DGKB: variants seen among roughly 807,000 people sequenced by gnomAD.
DGKB encodes diacylglycerol kinase beta, also known as 90 kDa diacylglycerol kinase.
A neutral mutation model predicts 114.3 loss-of-function variants in DGKB; 67 were observed. The observed-to-expected ratio is 0.59, with a 90% CI of 0.48 to 0.72. The LOEUF (loss-of-function observed/expected upper bound fraction) is 0.72, where lower values mean the gene tolerates loss of function less well. Among genes scored for constraint, DGKB ranks in the 30% least tolerant of loss-of-function variants. The pLI, the probability that DGKB is intolerant of heterozygous loss-of-function variation, is 0.00. For missense variants in DGKB, 907 were observed against 975.2 expected (o/e 0.93, Z 0.93); for synonymous variants, 398 against 323.1 (o/e 1.23, Z -2.49).
chr7:14,941,199 T>A (rs889738903), intron 1 of DGKB, among the ~76,000 whole-genome samples: 10 of 152,086 alleles, frequency 6.6e-5, no homozygotes, highest in African/African-American at 2.2e-4. Context: ...AGAACTGATT[T>A]TGTCATTAAA....
chr7:14,502,793 ACT>A (rs1786409119), intron 20 of DGKB, among the ~76,000 whole-genome samples: 1 of 152,028 alleles, frequency 6.6e-6, no homozygotes, highest in Admixed American at 6.6e-5. Context: ...CTGCAAAAGC[ACT>A]CTTGCTGTAT....
At chr7:14,568,223 G>T (rs769569363) in intron 20 of DGKB, among the ~76,000 whole-genome samples, 29 of 152,028 alleles carry the variant, frequency 1.9e-4, no homozygotes, top group Non-Finnish European at 3.8e-4. Context: ...AAATAAATAT[G>T]CTTTTATTGA....
At chr7:14,651,236 C>A (rs1814415857) in intron 13 of DGKB, among the ~76,000 whole-genome samples, 1 of 152,026 alleles carries the variant, frequency 6.6e-6, no homozygotes, top group African/African-American at 2.4e-5. Flanking sequence ...AACATTGATG[C>A]AAAAAATCCT....
At chr7:14,817,821 G>A (rs1844374833) in intron 2 of DGKB, among the ~76,000 whole-genome samples, 1 of 152,160 alleles carries the variant, frequency 6.6e-6, no homozygotes, top group African/African-American at 2.4e-5. Context: ...ATAGCGCAAA[G>A]TGAAGTCTAT....
intron 20 of DGKB, among the ~76,000 whole-genome samples, chr7:14,525,881 C>A (rs1263937357): frequency 6.6e-6 from 1 of 151,372 alleles, no homozygotes. Context: ...AGTAAAGGAA[C>A]AATATTTGAA....
intron 23 of DGKB, among the ~76,000 whole-genome samples, chr7:14,214,347 A>G (rs1788616911): frequency 6.6e-6 from 1 of 152,078 alleles, no homozygotes. Context: ...TGGGGATTTC[A>G]TTCATTTAGA....
In DGKB at chr7:14,209,897, T is replaced by C. The variant is rs1194271073; in HGVS notation, c.2123-31746A>G. On this transcript the variant is annotated intron_variant, in intron 23 of 25. Coordinates refer to ENST00000402815, the MANE Select transcript of DGKB (RefSeq NM_001350709.2). ...AAAGGTTATTCACCCTATGGCTGTC[T>C]TTTTTTTTTTAATGTTGAGCATTCA... 3.9e-4 allele frequency among the ~76,000 whole-genome samples: 18 copies of C among 46,480 alleles called. No homozygotes were observed. The African/African-American group carries it at 8.5e-3, about 22-fold the overall frequency. 30.5% of individuals were successfully genotyped at this position (46,480 alleles called of 152,430 possible). A position where few individuals can be genotyped will look rare whatever the true frequency, so the allele number is the denominator to read the frequency against.
At chr7:14,224,840 A>T (rs755065574) in intron 23 of DGKB, among the ~76,000 whole-genome samples, 4 of 152,002 alleles carry the variant, frequency 2.6e-5, no homozygotes, top group Non-Finnish European at 5.9e-5. Context: ...ACCATATTCA[A>T]TTTCACTAAT....
chr7:14,254,202 A>G (rs1388409169), intron 23 of DGKB, among the ~76,000 whole-genome samples: 1 of 152,208 alleles, frequency 6.6e-6, no homozygotes, highest in African/African-American at 2.4e-5. Context: ...AGTTGAAAGC[A>G]TTGTACCTGC....
chr7:14,519,455 C>T (rs1428541949), intron 20 of DGKB, among the ~76,000 whole-genome samples: 2 of 152,054 alleles, frequency 1.3e-5, no homozygotes, highest in Non-Finnish European at 2.9e-5. Flanking sequence ...CTAAATTTTA[C>T]AGGTAAACTG....
chr7:14,583,741 T>C (rs572865905), intron 17 of DGKB, among the ~76,000 whole-genome samples: 13 of 152,274 alleles, frequency 8.5e-5, no homozygotes, highest in African/African-American at 3.1e-4. Flanking sequence ...CTAGCCTAAT[T>C]GCTGGGTCAG....
intron 8 of DGKB, among the ~76,000 whole-genome samples, chr7:14,697,653 A>T (rs1025802480): frequency 6.6e-6 from 1 of 150,938 alleles, no homozygotes; most frequent in African/African-American, 2.4e-5. Flanking sequence ...GTCCCAGACA[A>T]GAGAAAAAAA....
At chr7:14,273,947 G>A (rs983881024) in intron 23 of DGKB, among the ~76,000 whole-genome samples, 2 of 152,138 alleles carry the variant, frequency 1.3e-5, no homozygotes, top group African/African-American at 4.8e-5. Context: ...TTTACTTCAG[G>A]AATTACTCTT....
intron 2 of DGKB, among the ~76,000 whole-genome samples, chr7:14,801,972 C>G (rs1392250189): frequency 6.6e-6 from 1 of 151,584 alleles, no homozygotes; most frequent in Non-Finnish European, 1.5e-5. Context: ...CCCACACATA[C>G]ACACACATAC....
chr7:14,178,232 T>G, intron 23 of DGKB, 81 bp from the exon 24 acceptor site: 4 of 1,420,452 alleles, frequency 2.8e-6, no homozygotes, highest in Non-Finnish European at 3.8e-6. Flanking sequence ...TTATGGAGAT[T>G]AAAAAAAATA....
chr7:14,812,443 T>C (rs985383488), intron 2 of DGKB, among the ~76,000 whole-genome samples: 10 of 152,156 alleles, frequency 6.6e-5, no homozygotes, highest in African/African-American at 2.2e-4. Context: ...TTCTTCCTAA[T>C]AGAACAGATA....
chr7:14,400,817 T>A (rs1265874255), intron 21 of DGKB, among the ~76,000 whole-genome samples: 1 of 151,804 alleles, frequency 6.6e-6, no homozygotes, highest in Non-Finnish European at 1.5e-5. Flanking sequence ...AGTATCTTAT[T>A]GAAAAACAGA....
chr7:14,969,076 CA>C (rs1787319716), intron 1 of DGKB, among the ~76,000 whole-genome samples: 1 of 152,138 alleles, frequency 6.6e-6, no homozygotes, highest in Admixed American at 6.6e-5. Context: ...CAAAAACAAT[CA>C]TAACAATTGC....
intron 2 of DGKB, among the ~76,000 whole-genome samples, chr7:14,800,654 G>C (rs1047079949): frequency 2.6e-5 from 4 of 152,174 alleles, no homozygotes; most frequent in Non-Finnish European, 5.9e-5. Context: ...TGCTATGCTT[G>C]TCTAGAGGTT....
Sources: allele counts gnomAD v4.1 joint callset (sites outside exome capture counted in the v4.1 genomes callset), GRCh38; gene constraint gnomAD v4.1.1; transcripts MANE v1.5; gene names NCBI Gene and HGNC (gene_info 2026-07-23, HGNC 2026-07-21).